The following PRKG1 variants were observed in gnomAD, a reference collection of about 807,000 sequenced individuals.
PRKG1 encodes protein kinase cGMP-dependent 1.
Under a neutral mutation model 88.1 loss-of-function variants are expected in PRKG1, and 35 were observed. That is an observed-to-expected ratio of 0.40 (90% CI 0.30 to 0.53). The LOEUF (loss-of-function observed/expected upper bound fraction) is 0.53. Among genes scored for constraint, PRKG1 ranks in the 20% least tolerant of loss-of-function variants. The probability of loss-of-function intolerance (pLI) is 0.59; values close to 1 mark genes in which losing one functional copy is unlikely to be tolerated. For missense variants in PRKG1, 540 were observed against 839.8 expected (o/e 0.64, Z 4.41); for synonymous variants, 303 against 292.5 (o/e 1.04, Z -0.37).
chr10:51,857,525 T>G (rs1447978318), intron 4 of PRKG1, among the ~76,000 whole-genome samples: 11 of 152,212 alleles, frequency 7.2e-5, no homozygotes, highest in Admixed American at 7.2e-4. Flanking sequence ...CACATGCTAA[T>G]GAATAAGATT....
intron 1 of PRKG1, among the ~76,000 whole-genome samples, chr10:51,131,545 G>A (rs771019734): frequency 1.4e-4 from 21 of 152,076 alleles, no homozygotes; most frequent in Non-Finnish European, 2.4e-4. Context: ...CCAGGAGTTC[G>A]AGACCAGCCT....
chr10:51,598,837 T>C (rs1166504814), intron 3 of PRKG1, among the ~76,000 whole-genome samples: 1 of 152,094 alleles, frequency 6.6e-6, no homozygotes, highest in Non-Finnish European at 1.5e-5. Flanking sequence ...TTAGAGTGAA[T>C]GGGAAACAAT....
chr10:51,011,354 C>A (rs1842991920), intron 1 of PRKG1, among the ~76,000 whole-genome samples: 1 of 152,040 alleles, frequency 6.6e-6, no homozygotes, highest in Admixed American at 6.5e-5. Flanking sequence ...GTTAGGGCAA[C>A]CAGAATGTCT....
intron 7 of PRKG1, chr10:52,081,791 G>C (rs1338367244): frequency 2.5e-6 from 1 of 399,980 alleles, no homozygotes; most frequent in African/African-American, 2.1e-5. Flanking sequence ...GGTCCTCATT[G>C]AGAAAGTGAT....
chr10:51,225,238 G>GA lies in PRKG1; in HGVS notation c.478+71910dup, dbSNP rs553379469. The stretch of plus-strand genomic sequence containing the variant: ...CTCTCTGTGTCCTCATGTGGTAGAA[G>GA]AAGCTAGCTAGTTCACTGGGCTCTC... On this transcript the variant is annotated intron_variant, in intron 2 of 17. Coordinates refer to ENST00000373980, the MANE Select transcript of PRKG1 (RefSeq NM_006258.4). Among the ~76,000 whole-genome samples the GA allele has an allele frequency of 1.3e-3, 194 of 152,296 alleles. 1 individual carries two copies. The highest frequency in any genetic ancestry group is 4.1e-3 in the African/African-American group (170 of 41,564).
intron 3 of PRKG1, among the ~76,000 whole-genome samples, chr10:51,788,295 A>T (rs996930297): frequency 2.0e-5 from 3 of 152,164 alleles, no homozygotes; most frequent in African/African-American, 7.2e-5. Context: ...TTTTCTAATC[A>T]TTGTTGAATG....
intron 2 of PRKG1, among the ~76,000 whole-genome samples, chr10:51,220,748 T>C (rs1373557114): frequency 1.3e-5 from 2 of 152,136 alleles, no homozygotes; most frequent in Admixed American, 6.6e-5. Flanking sequence ...GAAGTTTATT[T>C]TTGGAGATGT....
intron 9 of PRKG1, among the ~76,000 whole-genome samples, chr10:52,205,068 G>C (rs946371232): frequency 1.3e-5 from 2 of 152,050 alleles, no homozygotes; most frequent in African/African-American, 4.8e-5. Flanking sequence ...GATGAAACAC[G>C]CCCTAATCTC....
chr10:52,083,011 G>T (rs1032346194), intron 7 of PRKG1, among the ~76,000 whole-genome samples: 1 of 152,040 alleles, frequency 6.6e-6, no homozygotes, highest in Non-Finnish European at 1.5e-5. Context: ...TTATGGATTT[G>T]CTTCTGAATA....
intron 3 of PRKG1, among the ~76,000 whole-genome samples, chr10:51,764,814 G>A (rs1201293011): frequency 1.3e-5 from 2 of 152,186 alleles, no homozygotes; most frequent in African/African-American, 4.8e-5. Flanking sequence ...CTTTGGGGAG[G>A]TGATTAAATC....
At chr10:51,430,332 G>A (rs1222268566) in intron 2 of PRKG1, among the ~76,000 whole-genome samples, 2 of 152,016 alleles carry the variant, frequency 1.3e-5, no homozygotes, top group Non-Finnish European at 2.9e-5. Flanking sequence ...GAGGTGGGAG[G>A]ATTACTTGAG....
intron 2 of PRKG1, among the ~76,000 whole-genome samples, chr10:51,210,129 T>G (rs1251233146): frequency 6.6e-6 from 1 of 152,088 alleles, no homozygotes; most frequent in Non-Finnish European, 1.5e-5. Flanking sequence ...CAGACCACAG[T>G]GCAATCAAAC....
chr10:52,224,838 T>TATATATATATATAC lies in PRKG1; in HGVS notation c.1077-26731_1077-26730insTATATATATATACA, dbSNP rs1172536011. Among the ~76,000 whole-genome samples, 41 of 135,840 alleles carry TATATATATATATAC rather than the reference T, an allele frequency of 3.0e-4. 2 individuals are homozygous for TATATATATATATAC. The highest frequency in any genetic ancestry group is 1.1e-3 in the African/African-American group (38 of 34,536). The allele number at this position is 135,840 out of a possible 152,430, so 89.1% of individuals were successfully genotyped here. On this transcript the variant is annotated intron_variant, in intron 9 of 17. Coordinates refer to ENST00000373980, the MANE Select transcript of PRKG1 (RefSeq NM_006258.4). The stretch of plus-strand genomic sequence containing the variant: ...ATATATATATATATATATATATATA[T>TATATATATATATAC]ACATACATACATACATATCTCACAG...
chr10:52,062,549 C>G lies in PRKG1; in HGVS notation c.853C>G (p.Arg285Gly). ...TTTCTCTTTGCAGGTAAATGTCACT[C>G]GTGAAGACTCACCGAGTGAAGACCC... is the stretch of plus-strand genomic sequence containing the variant. ...IISKGTVNVT[R>G]EDSPSEDPVF... is the part of the protein sequence containing the mutation. The change falls in exon 7 of 18, where the codon CGT (arginine) becomes GGT (glycine). Residue 285 changes from arginine (R) to glycine (G), a missense_variant. By Grantham distance (125) the Arg-to-Gly change is moderately radical. This residue lies in a region of PRKG1 where 400 missense variants were observed against 562.7 expected (regional missense o/e 0.71). Transcript: ENST00000373980. 1 of 1,595,206 alleles carries G rather than the reference C, an allele frequency of 6.3e-7. No homozygotes were observed. Among genetic ancestry groups the G allele is most frequent in the Non-Finnish European group, 8.5e-7 (1 of 1,172,358 alleles).
At chr10:51,096,661 G>A (rs1461447844) in intron 1 of PRKG1, among the ~76,000 whole-genome samples, 6 of 152,124 alleles carry the variant, frequency 3.9e-5, no homozygotes, top group Non-Finnish European at 8.8e-5. Context: ...TAACAACTCT[G>A]TGCCTTAGGT....
intron 3 of PRKG1, among the ~76,000 whole-genome samples, chr10:51,544,405 A>G (rs1413710875): frequency 2.0e-5 from 3 of 152,014 alleles, no homozygotes; most frequent in African/African-American, 4.8e-5. Context: ...TTATGGCTGC[A>G]TAGTATTCCA....
chr10:51,454,989 T>G (rs1056505475), intron 2 of PRKG1, among the ~76,000 whole-genome samples: 19 of 152,324 alleles, frequency 1.2e-4, no homozygotes, highest in African/African-American at 4.3e-4. Context: ...ATTCCAAAAT[T>G]CGAAGTTTCA....
At chr10:51,970,391 C>CT (rs542608917) in intron 5 of PRKG1, among the ~76,000 whole-genome samples, 1,832 of 149,748 alleles carry the variant, frequency 0.012, 12 homozygotes, top group Admixed American at 0.018. Flanking sequence ...TTTCTACAAC[C>CT]TTTTTTTTTG....
At chr10:51,070,464 A>G (rs1385808052), upstream of PRKG1, among the ~76,000 whole-genome samples, 5 of 152,122 alleles carry the variant, frequency 3.3e-5, no homozygotes, top group East Asian at 7.7e-4. Flanking sequence ...AGGCTCAGCT[A>G]TATATTTGTT....
Sources: gnomAD v4.1 joint callset for allele counts (sites outside exome capture counted in the v4.1 genomes callset) on GRCh38, gnomAD v4.1.1 for gene constraint, gnomAD v4.1.1 regional missense constraint, MANE v1.5 for transcripts, NCBI Gene and HGNC (gene_info 2026-07-23, HGNC 2026-07-21) for gene names.